APPL2: variants seen among roughly 807,000 people sequenced by gnomAD.
APPL2 encodes DCC-interacting protein 13-beta.
Under a neutral mutation model 92.7 loss-of-function variants are expected in APPL2, and 84 were observed. The ratio of observed to expected loss-of-function variants is 0.91; its 90% CI spans 0.76 to 1.09. APPL2 has a LOEUF of 1.09. Ranked by LOEUF, APPL2 falls within the 50% of genes least tolerant of loss-of-function variation. The pLI is 0.00. For synonymous variants in APPL2, 291 were observed against 291.0 expected, an observed-to-expected ratio of 1.00 and a Z score of 0.00; for missense variants, 736 against 824.5, an observed-to-expected ratio of 0.89 and a Z score of 1.31.
At chr12:105,194,472 C>T (rs1038660925) in intron 14 of APPL2, among the ~76,000 whole-genome samples, 6 of 152,114 alleles carry the variant, frequency 3.9e-5, no homozygotes, top group African/African-American at 7.2e-5. Context: ...GGGTGGATCA[C>T]TTGAGGTCAG....
intron 2 of APPL2, among the ~76,000 whole-genome samples, chr12:105,223,462 C>G (rs765059678): frequency 2.0e-5 from 3 of 151,944 alleles, no homozygotes; most frequent in Non-Finnish European, 2.9e-5. Context: ...GGGCAGAGCC[C>G]AGGAGGGGGC....
At position 105,189,823 on chromosome 12, in the gene APPL2, G is replaced by A. The variant is rs139106853; in HGVS notation, c.1408C>T (p.Arg470Cys). ...EFLDQNRGSRRTNPFGETEDE... is the reference protein window; with the variant it reads ...EFLDQNRGSRCTNPFGETEDE... ...TCAGTTTCACCAAAAGGGTTGGTAC[G>A]CCTAGGGGAATAGCCAGAGTTGAAC... The change falls in exon 16 of 21, where the codon CGT becomes TGT. Residue 470 changes from arginine to cysteine, a missense_variant and splice_region_variant. Arg to Cys is a radical substitution (Grantham distance 180, BLOSUM62 -3). Coordinates refer to ENST00000258530, the MANE Select transcript of APPL2 (RefSeq NM_018171.5). The A allele has an allele frequency of 3.0e-4, 490 of 1,614,016 alleles. No individual in the cohort carries two copies. The highest frequency in any genetic ancestry group is 4.0e-4 in the East Asian group (18 of 44,896).
chr12:105,190,095 T>C lies in APPL2; in HGVS notation c.1302A>G (p.Thr434=). 1 of 1,614,230 alleles carries C rather than the reference T, an allele frequency of 6.2e-7. No individual in the cohort carries two copies. Among genetic ancestry groups the C allele is most frequent in the Non-Finnish European group, 8.5e-7 (1 of 1,180,034 alleles). ...NENDKIVPKA[T]ASLPEAEELI... is the part of the protein sequence containing the mutation. Reference sequence around the variant, plus strand: ...GCTCCTCTGCTTCAGGTAGACTGGCTGTTGCTTTGGGAACAATCTTGTCAT... The same window carrying C: ...GCTCCTCTGCTTCAGGTAGACTGGCCGTTGCTTTGGGAACAATCTTGTCAT... The change falls in exon 15 of 21, where the codon ACA becomes ACG. Residue 434 remains threonine (T), a synonymous_variant. Transcript: ENST00000258530.
rs1566045086 is a variant in APPL2 at position 105,176,992 on chromosome 12, A to AT, written c.1695dup (p.Phe566IlefsTer19). ...CTCTTGTTTTCTTGATGAGCAGCAA[A>AT]TTGTGTGACACTGGTAAGTTCAAAC... On this transcript the variant is annotated frameshift_variant, in exon 19 of 21. Transcript: ENST00000258530. LOFTEE classifies it high-confidence loss of function. 6.2e-7 allele frequency: 1 copy of AT among 1,614,104 alleles called. No individual in the cohort carries two copies. The highest frequency in any genetic ancestry group is 1.7e-5 in the Admixed American group (1 of 60,022).
intron 14 of APPL2, among the ~76,000 whole-genome samples, chr12:105,194,175 C>T (rs1887449779): frequency 6.6e-6 from 1 of 152,080 alleles, no homozygotes; most frequent in Non-Finnish European, 1.5e-5. Context: ...CAAATATAGT[C>T]GTAATTTTAA....
rs773030440 is a variant in APPL2 at position 105,199,492 on chromosome 12, C to A, written c.744G>T (p.Arg248=). Residue 248 remains arginine, a synonymous_variant, in exon 10 of 21, where the codon CGG becomes CGT. Transcript: ENST00000258530. ...VELEAEAEKM[R]VSQQELLSVD... is the part of the protein sequence containing the mutation. ...CAGAAAGTAATTCTTGCTGGGACAC[C>A]CGCATCTTTTCCGCCTCGGCTTCCA... 6.2e-7 allele frequency: 1 copy of A among 1,613,992 alleles called. No individual in the cohort carries two copies.
Position 105,207,878 on chromosome 12 carries a change from C to A in APPL2, c.474+93G>T, listed in dbSNP as rs777562655. 14 of 1,174,776 alleles carry A rather than the reference C, an allele frequency of 1.2e-5. 1 individual carries two copies. In the South Asian group the frequency reaches 1.6e-4, roughly 13 times the overall value. The allele number at this position is 1,174,776 out of a possible 1,614,324, so 72.8% of individuals were successfully genotyped here. A position where few individuals can be genotyped will look rare whatever the true frequency, so the allele number is the denominator to read the frequency against. On this transcript the variant is annotated intron_variant, in intron 7 of 20. Coordinates refer to ENST00000258530, the MANE Select transcript of APPL2 (RefSeq NM_018171.5). ...CATGTATAGTTAAAAAAAAAAATAACCACGCACCCTTTCATGCCATAAATT... is the reference window on the plus strand; with the variant it reads ...CATGTATAGTTAAAAAAAAAAATAAACACGCACCCTTTCATGCCATAAATT...
chr12:105,206,414 G>C (rs1888706422), intron 8 of APPL2, among the ~76,000 whole-genome samples: 1 of 152,148 alleles, frequency 6.6e-6, no homozygotes, highest in African/African-American at 2.4e-5. Context: ...GGATGGGGTG[G>C]AAAGTGAGGG....
chr12:105,228,768 C>T (rs975381255), intron 2 of APPL2, among the ~76,000 whole-genome samples: 4 of 152,170 alleles, frequency 2.6e-5, no homozygotes, highest in African/African-American at 9.7e-5. Context: ...ACATCTAAGA[C>T]TCTGCCCATT....
At chr12:105,220,880 A>G (rs1443823508) in intron 2 of APPL2, among the ~76,000 whole-genome samples, 2 of 152,204 alleles carry the variant, frequency 1.3e-5, no homozygotes, top group Non-Finnish European at 2.9e-5. Flanking sequence ...ACTTCGAACA[A>G]CCAGACTCTC....
In APPL2 at chr12:105,174,409, G is replaced by C. The variant is rs1420123547; in HGVS notation, c.1900C>G (p.Leu634Val). 3 of 1,613,994 alleles carry C rather than the reference G, an allele frequency of 1.9e-6. No individual in the cohort carries two copies. Among genetic ancestry groups the C allele is most frequent in the Non-Finnish European group, 2.5e-6 (3 of 1,179,918 alleles). The change falls in exon 21 of 21, where the codon CTA (leucine) becomes GTA (valine). Residue 634 changes from leucine to valine, a missense_variant. Physicochemically the swap from Leu to Val is conservative, Grantham distance 32 (BLOSUM62 1). Coordinates refer to ENST00000258530, the MANE Select transcript of APPL2 (RefSeq NM_018171.5). ...AGTACATATTTTCCGTCATTGGTTA[G>C]TGGTATGGACAGCATTAATTGAGCC... ...ALAQLMLSIP[L>V]TNDGKYVLLN...
intron 1 of APPL2, among the ~76,000 whole-genome samples, chr12:105,233,831 A>T (rs897692790): frequency 6.6e-6 from 1 of 152,190 alleles, no homozygotes; most frequent in Non-Finnish European, 1.5e-5. Context: ...TATTGGGAGG[A>T]TTGAGTGAGT....
rs144054074 is a variant in APPL2, at chr12:105,233,225, C to T, written c.54+2734G>A. The T allele has an allele frequency of 2.0e-4, 199 of 985,442 alleles. No homozygotes were observed. In the East Asian group the frequency reaches 0.016, roughly 78 times the overall value. The allele number at this position is 985,442 out of a possible 1,614,324, so 61.0% of individuals were successfully genotyped here. A position where few individuals can be genotyped will look rare whatever the true frequency, so the allele number is the denominator to read the frequency against. On this transcript the variant is annotated intron_variant, in intron 1 of 20. Coordinates refer to ENST00000258530, the MANE Select transcript of APPL2 (RefSeq NM_018171.5). ...TCTGTCTCTGGAACAAACTGTGAAC[C>T]AGTCAAGGGTAGTCACTCTTATTTA...
At chr12:105,214,132 G>A (rs1000764640) in intron 4 of APPL2, among the ~76,000 whole-genome samples, 16 of 152,172 alleles carry the variant, frequency 1.1e-4, no homozygotes, top group Middle Eastern at 3.2e-3. Context: ...GTTGCGGTGA[G>A]CCAAGATCGT....
chr12:105,190,163 G>A lies in APPL2; in HGVS notation c.1242-8C>T, dbSNP rs758707220. ...GAATTTTTCAGGTTCTGGCTGAAGG[G>A]GAAAAAAATCAATTCCCTTAACCTT... On this transcript the variant is annotated splice_polypyrimidine_tract_variant and splice_region_variant and intron_variant, in intron 14 of 20. Transcript: ENST00000258530. 6.2e-7 allele frequency: 1 copy of A among 1,609,010 alleles called. No homozygotes were observed. Among genetic ancestry groups the A allele is most frequent in the South Asian group, 1.1e-5 (1 of 90,344 alleles).
chr12:105,190,130 C>T lies in APPL2; in HGVS notation c.1267G>A (p.Glu423Lys). The T allele has an allele frequency of 6.2e-7, 1 of 1,613,948 alleles. No homozygotes were observed. The highest frequency in any genetic ancestry group is 1.3e-5 in the African/African-American group (1 of 75,022). Residue 423 changes from glutamate (E) to lysine (K), a missense_variant, in exon 15 of 21, where the codon GAA becomes AAA. Physicochemically the swap from Glu to Lys is moderately conservative, Grantham distance 56. Coordinates refer to ENST00000258530, the MANE Select transcript of APPL2 (RefSeq NM_018171.5). ...GGAACAATCTTGTCATTTTCATTTT[C>T]CATCTCTGAATTTTTCAGGTTCTGG... Reference protein sequence around the residue: ...PSQNLKNSEMENENDKIVPKA... With the variant: ...PSQNLKNSEMKNENDKIVPKA...
At chr12:105,189,014 G>T (rs967503805) in intron 16 of APPL2, among the ~76,000 whole-genome samples, 6 of 151,940 alleles carry the variant, frequency 3.9e-5, no homozygotes, top group African/African-American at 1.4e-4. Context: ...ACCAAAGAAG[G>T]TTTTTTCTTT....
chr12:105,210,150 C>T (rs924049225), intron 5 of APPL2, among the ~76,000 whole-genome samples: 10 of 152,008 alleles, frequency 6.6e-5, no homozygotes, highest in African/African-American at 1.7e-4. Context: ...TTAGTAGAGA[C>T]GAGGTTTCGC....
intron 14 of APPL2, among the ~76,000 whole-genome samples, chr12:105,193,851 A>G (rs1202493360): frequency 6.6e-6 from 1 of 152,232 alleles, no homozygotes; most frequent in Admixed American, 6.5e-5. Flanking sequence ...ACTCAGGTAC[A>G]GAATAGTCTT....
Sources: gnomAD v4.1 joint callset for allele counts (sites outside exome capture counted in the v4.1 genomes callset) on GRCh38, gnomAD v4.1.1 for gene constraint, MANE v1.5 for transcripts, NCBI Gene and HGNC (gene_info 2026-07-23, HGNC 2026-07-21) for gene names.